GAB3: variants seen among roughly 807,000 people sequenced by gnomAD.
GAB3 encodes the protein GRB2-associated-binding protein 3.
A neutral mutation model predicts 40.4 loss-of-function variants in GAB3; 12 were observed. The observed-to-expected ratio is 0.30, with a 90% CI of 0.19 to 0.48. GAB3 has a LOEUF of 0.48. Ranked by LOEUF, GAB3 falls within the 20% of genes least tolerant of loss-of-function variation. The pLI is 0.99. For synonymous variants in GAB3, 154 were observed against 176.7 expected (o/e 0.87, Z 1.02); for missense variants, 381 against 461.9 (o/e 0.82, Z 1.61).
intron 4 of GAB3, among the ~76,000 whole-genome samples, chrX:154,704,246 G>A (rs782626856): frequency 6.4e-5 from 7 of 109,213 alleles, no homozygotes; most frequent in African/African-American, 2.0e-4. Context: ...GCCAGAGGCT[G>A]GGAAAGGTAG....
At chrX:154,691,587 T>C (rs1225421546) in intron 8 of GAB3, among the ~76,000 whole-genome samples, 2 of 111,781 alleles carry the variant, frequency 1.8e-5, no homozygotes, top group Non-Finnish European at 3.8e-5. Context: ...ATTGTTAACA[T>C]GATAATATTA....
intron 6 of GAB3, among the ~76,000 whole-genome samples, chrX:154,697,487 C>A (rs1361652792): frequency 2.7e-5 from 3 of 111,967 alleles, no homozygotes; most frequent in African/African-American, 6.5e-5. Context: ...GTCGAAGGCA[C>A]AGGATGAATA....
intron 1 of GAB3, among the ~76,000 whole-genome samples, chrX:154,724,394 T>C (rs1557259177): frequency 9.1e-6 from 1 of 109,929 alleles, no homozygotes; most frequent in East Asian, 2.8e-4. Flanking sequence ...AAAAATAAAA[T>C]GACAATGTGA....
At chrX:154,746,733 C>T (rs1311178271) in intron 1 of GAB3, among the ~76,000 whole-genome samples, 1 of 112,390 alleles carries the variant, frequency 8.9e-6, no homozygotes, top group Non-Finnish European at 1.9e-5. Flanking sequence ...ACAGACAAGG[C>T]TATTAGAACT....
intron 1 of GAB3, among the ~76,000 whole-genome samples, chrX:154,727,643 C>G (rs1223382214): frequency 1.8e-5 from 2 of 112,293 alleles, no homozygotes; most frequent in Non-Finnish European, 3.8e-5. Flanking sequence ...CAAACCTAAT[C>G]ACCAGAATGT....
chrX:154,709,820 T>C (rs1232024685), intron 4 of GAB3, among the ~76,000 whole-genome samples: 8 of 111,875 alleles, frequency 7.2e-5, no homozygotes, highest in African/African-American at 2.6e-4. Flanking sequence ...GATGAGATTA[T>C]GTTCAGTGAA....
rs1557245718 is a variant in GAB3, at chrX:154,676,967, T to C, written c.*1211A>G. 9.0e-6 allele frequency: 1 copy of C among 111,565 alleles called. No individual in the cohort carries two copies. The highest frequency in any genetic ancestry group is 3.3e-5 in the African/African-American group (1 of 30,683). 9.2% of individuals were successfully genotyped at this position (111,565 alleles called of 1,213,427 possible). On this transcript the variant is annotated 3_prime_UTR_variant, in exon 10 of 10. Coordinates refer to ENST00000424127, the MANE Select transcript of GAB3 (RefSeq NM_001081573.3). ...CGCCTTCATTATAAAGTGGGAGTGT[T>C]TGTACTCTCAGTACCTAGTCACTTC...
At chrX:154,750,817 G>T in intron 1 of GAB3, 137 bp downstream of exon 1, 1 of 262,308 alleles carries the variant, frequency 3.8e-6, no homozygotes, top group Non-Finnish European at 5.3e-6. Context: ...GTTTCCGTCC[G>T]TCGGCCTCGC....
chrX:154,701,966 C>A (rs1331509822), intron 4 of GAB3, among the ~76,000 whole-genome samples: 1 of 111,293 alleles, frequency 9.0e-6, no homozygotes, highest in African/African-American at 3.3e-5. Flanking sequence ...CAATGCAATC[C>A]CTACCAAAAT....
intron 1 of GAB3, among the ~76,000 whole-genome samples, chrX:154,726,811 C>T (rs782735038): frequency 4.1e-4 from 46 of 111,257 alleles, no homozygotes; most frequent in Non-Finnish European, 7.5e-4. Context: ...TCTTTGCTTC[C>T]ACTCTCCATA....
At chrX:154,739,698 CAGAGGTGGAAGA>C (rs2071410176) in intron 1 of GAB3, among the ~76,000 whole-genome samples, 1 of 110,088 alleles carries the variant, frequency 9.1e-6, no homozygotes, top group Admixed American at 9.6e-5. Flanking sequence ...TGGATGAAGA[CAGAGGTGGAAGA>C]AGTTTTCATC....
At chrX:154,720,559 G>A (rs976770816) in intron 1 of GAB3, among the ~76,000 whole-genome samples, 1 of 105,368 alleles carries the variant, frequency 9.5e-6, no homozygotes, top group African/African-American at 3.5e-5. Context: ...CCCGGGGGGC[G>A]GAGCCTGCAG....
At chrX:154,691,755 C>T (rs1442235928) in intron 8 of GAB3, among the ~76,000 whole-genome samples, 2 of 111,852 alleles carry the variant, frequency 1.8e-5, no homozygotes, top group Non-Finnish European at 3.8e-5. Context: ...TTGGAAGACT[C>T]ATACTTTCTG....
At chrX:154,741,154 GTT>G (rs2071430630) in intron 1 of GAB3, among the ~76,000 whole-genome samples, 1 of 111,799 alleles carries the variant, frequency 8.9e-6, no homozygotes, top group African/African-American at 3.3e-5. Flanking sequence ...CCCTGCACAA[GTT>G]CTTTCTCTTG....
intron 5 of GAB3, 94 bp downstream of exon 5, chrX:154,699,910 G>T: frequency 1.4e-6 from 1 of 720,353 alleles, no homozygotes; most frequent in Non-Finnish European, 2.2e-6. Flanking sequence ...CAGAGACTCA[G>T]AGTGCTGAAT....
Position 154,724,342 on chromosome X carries a change from T to TTAAATAAA in GAB3, c.73-8021_73-8014dup, listed in dbSNP as rs782217148. Among the ~76,000 whole-genome samples the TTAAATAAA allele has an allele frequency of 2.6e-3, 277 of 104,809 alleles. 3 individuals are homozygous for TTAAATAAA. Among genetic ancestry groups the TTAAATAAA allele is most frequent in the South Asian group, 0.014 (32 of 2,346 alleles). 91.0% of individuals were successfully genotyped at this position (104,809 alleles called of 115,157 possible). A position where few individuals can be genotyped will look rare whatever the true frequency, so the allele number is the denominator to read the frequency against. On this transcript the variant is annotated intron_variant, in intron 1 of 9. Coordinates refer to ENST00000424127, the MANE Select transcript of GAB3 (RefSeq NM_001081573.3). Reference sequence around the variant, plus strand: ...CTGGGCAACAGAGTGAGACTTCATCTTAAATAAATAAATAAATAAATAAAT... The same window carrying TTAAATAAA: ...CTGGGCAACAGAGTGAGACTTCATCTTAAATAAATAAATAAATAAATAAATAAATAAAT...
rs199709642 is a variant in GAB3, at chrX:154,697,136, G to C, written c.1423C>G (p.Pro475Ala). The C allele has an allele frequency of 1.2e-4, 149 of 1,202,398 alleles. No individual in the cohort carries two copies. Among genetic ancestry groups the C allele is most frequent in the Non-Finnish European group, 1.6e-4 (143 of 888,781 alleles). ...CTTTTGAGCAATCAGTCTTACCAAG[G>C]CACAGTGCGGGTCCTGGTAAGAGAT... ...HASLTRTRTV[P>A]CSRTSFLSPE... is the part of the protein sequence containing the mutation. Residue 475 changes from proline (P) to alanine (A), a missense_variant, in exon 7 of 10, where the codon CCT becomes GCT. Transcript: ENST00000424127.
chrX:154,750,945 C>A lies in GAB3; in HGVS notation c.72+9G>T. 1.3e-6 allele frequency: 1 copy of A among 787,299 alleles called. No homozygotes were observed. 64.9% of individuals were successfully genotyped at this position (787,299 alleles called of 1,213,427 possible). ...CGAAGGCCGGGCGGGTGGCGGCGCCCCTACTCACGTAGCGCTGTAGCTTCC... is the reference window on the plus strand; with the variant it reads ...CGAAGGCCGGGCGGGTGGCGGCGCCACTACTCACGTAGCGCTGTAGCTTCC... On this transcript the variant is annotated intron_variant, in intron 1 of 9. Coordinates refer to ENST00000424127, the MANE Select transcript of GAB3 (RefSeq NM_001081573.3).
intron 1 of GAB3, among the ~76,000 whole-genome samples, chrX:154,735,769 G>T (rs1467138991): frequency 8.9e-6 from 1 of 111,893 alleles, no homozygotes; most frequent in Non-Finnish European, 1.9e-5. Flanking sequence ...GAACCCTCTG[G>T]TGTCTTCCTC....
Sources: allele counts gnomAD v4.1 joint callset (sites outside exome capture counted in the v4.1 genomes callset), GRCh38; gene constraint gnomAD v4.1.1; transcripts MANE v1.5; gene names NCBI Gene and HGNC (gene_info 2026-07-23, HGNC 2026-07-21).